NDST4: variants seen among roughly 807,000 people sequenced by gnomAD.
NDST4 encodes the protein N-heparan sulfate sulfotransferase 4.
A neutral mutation model predicts 100.8 loss-of-function variants in NDST4; 63 were observed. That is an observed-to-expected ratio of 0.62 (90% CI 0.51 to 0.77). The LOEUF is 0.77. NDST4 is among the 30% of genes least tolerant of loss of function. NDST4 has a pLI of 0.00. For synonymous variants in NDST4, 377 were observed against 361.8 expected, an observed-to-expected ratio of 1.04 and a Z score of -0.48; for missense variants, 943 against 1,018.4, an observed-to-expected ratio of 0.93 and a Z score of 1.01.
At chr4:115,025,626 C>T (rs1313937998) in intron 2 of NDST4, among the ~76,000 whole-genome samples, 2 of 152,046 alleles carry the variant, frequency 1.3e-5, no homozygotes, top group Admixed American at 6.6e-5. Context: ...TAAATTCCAT[C>T]AGCATGCTAC....
At chr4:115,001,288 C>A (rs1381647275) in intron 2 of NDST4, among the ~76,000 whole-genome samples, 1 of 151,930 alleles carries the variant, frequency 6.6e-6, no homozygotes, top group Non-Finnish European at 1.5e-5. Context: ...GGTCAGCATA[C>A]AGTCAAACTA....
intron 6 of NDST4, among the ~76,000 whole-genome samples, chr4:114,901,808 T>C (rs1178273003): frequency 6.6e-6 from 1 of 151,670 alleles, no homozygotes; most frequent in East Asian, 1.9e-4. Context: ...CTTCCACTCC[T>C]TCTCTTCTTT....
intron 6 of NDST4, among the ~76,000 whole-genome samples, chr4:114,926,882 G>A (rs1358364493): frequency 1.3e-5 from 2 of 152,108 alleles, no homozygotes; most frequent in East Asian, 1.9e-4. Flanking sequence ...AAGTACTCTA[G>A]AGGGGAAAAT....
chr4:114,874,951 T>C (rs968859369), intron 6 of NDST4, among the ~76,000 whole-genome samples: 2 of 152,160 alleles, frequency 1.3e-5, no homozygotes, highest in Non-Finnish European at 2.9e-5. Context: ...AGTATGACAG[T>C]ACTACATGGA....
At chr4:114,949,660 T>C (rs755041327) in intron 4 of NDST4, among the ~76,000 whole-genome samples, 1 of 152,030 alleles carries the variant, frequency 6.6e-6, no homozygotes, top group Non-Finnish European at 1.5e-5. Flanking sequence ...GCCCCAGCAA[T>C]ATCTAGCCTC....
At chr4:115,069,974 G>T (rs570294135) in intron 2 of NDST4, among the ~76,000 whole-genome samples, 25 of 152,254 alleles carry the variant, frequency 1.6e-4, no homozygotes, top group African/African-American at 5.8e-4. Context: ...CTATTGGTTG[G>T]AATGTAAATT....
At chr4:114,897,731 C>T (rs762908721) in intron 6 of NDST4, among the ~76,000 whole-genome samples, 6 of 152,164 alleles carry the variant, frequency 3.9e-5, no homozygotes, top group Non-Finnish European at 7.4e-5. Flanking sequence ...ACATCCTCAC[C>T]AGCATTTGGT....
At chr4:115,063,624 G>A (rs1045636768) in intron 2 of NDST4, among the ~76,000 whole-genome samples, 1 of 151,236 alleles carries the variant, frequency 6.6e-6, no homozygotes, top group African/African-American at 2.4e-5. Context: ...TAGCTGAGGA[G>A]GCTCATTATA....
chr4:114,865,315 G>A (rs6856689), intron 7 of NDST4, among the ~76,000 whole-genome samples: 24,788 of 151,976 alleles, frequency 0.16, 3,267 homozygotes, highest in African/African-American at 0.37. Flanking sequence ...TGCCTGCCTC[G>A]GCCTCCCAAA....
chr4:114,829,954 A>C (rs1441154611), intron 12 of NDST4, 62 bp from the exon 13 acceptor site: 3 of 1,123,192 alleles, frequency 2.7e-6, no homozygotes, highest in Non-Finnish European at 4.0e-6. Context: ...AGACAGCCTC[A>C]CCAATTGAAT....
Position 115,077,053 on chromosome 4 carries a change from T to C in NDST4, c.-17A>G, listed in dbSNP as rs748915295. 7.2e-5 allele frequency: 112 copies of C among 1,565,900 alleles called. No homozygotes were observed. The highest frequency in any genetic ancestry group is 3.3e-5 in the Non-Finnish European group (38 of 1,159,752). ...AAGATTCATTTTTTAGAATAATGTT[T>C]TGGAAGCTTTTTCCCAATTTCGTTT... is the stretch of plus-strand genomic sequence containing the variant. On this transcript the variant is annotated 5_prime_UTR_variant, in exon 2 of 14. Transcript: ENST00000264363.
rs991019823 is a variant in NDST4 at position 114,988,352 on chromosome 4, CTTTTTTTTTTTT to C, written c.979-11090_979-11079del. Among the ~76,000 whole-genome samples the C allele has an allele frequency of 9.1e-3, 585 of 64,210 alleles. 11 individuals carry two copies. Among genetic ancestry groups the C allele is most frequent in the Middle Eastern group, 0.066 (5 of 76 alleles). 42.1% of individuals were successfully genotyped at this position (64,210 alleles called of 152,430 possible). On this transcript the variant is annotated intron_variant, in intron 2 of 13. Coordinates refer to ENST00000264363, the MANE Select transcript of NDST4 (RefSeq NM_022569.3). Reference sequence around the variant, plus strand: ...TTTGTAAGCACACAGATACACATATCTTTTTTTTTTTTTTTTTTTTTTTTTTTGAGACAGAGT... The same window carrying C: ...TTTGTAAGCACACAGATACACATATCTTTTTTTTTTTTTTTGAGACAGAGT...
chr4:114,875,687 T>C (rs2126198736), intron 6 of NDST4, among the ~76,000 whole-genome samples: 1 of 152,312 alleles, frequency 6.6e-6, no homozygotes, highest in East Asian at 1.9e-4. Context: ...TGTAACATTT[T>C]GTGTTTGACT....
chr4:114,982,376 C>T (rs1268003666), intron 2 of NDST4, among the ~76,000 whole-genome samples: 1 of 152,148 alleles, frequency 6.6e-6, no homozygotes, highest in African/African-American at 2.4e-5. Flanking sequence ...TTATTGGAAA[C>T]TAGAGCAAAG....
chr4:114,986,832 A>ATATATATATATATATATATATTT, intron 2 of NDST4, among the ~76,000 whole-genome samples: 1 of 94,654 alleles, frequency 1.1e-5, no homozygotes, highest in East Asian at 3.6e-4. Flanking sequence ...ATATATATAT[A>ATATATATATATATATATATATTT]TTTTAATATA....
At chr4:115,092,515 A>G (rs1196181611) in intron 1 of NDST4, among the ~76,000 whole-genome samples, 1 of 152,230 alleles carries the variant, frequency 6.6e-6, no homozygotes, top group Non-Finnish European at 1.5e-5. Context: ...CGGTAATAAT[A>G]AAATCCTGAG....
chr4:115,015,717 A>T (rs1010954785), intron 2 of NDST4, among the ~76,000 whole-genome samples: 2 of 152,050 alleles, frequency 1.3e-5, no homozygotes, highest in African/African-American at 2.4e-5. Flanking sequence ...TTCTCAGTCT[A>T]CTGCTGTCAC....
At chr4:115,073,314 G>A (rs1729115446) in intron 2 of NDST4, among the ~76,000 whole-genome samples, 1 of 151,922 alleles carries the variant, frequency 6.6e-6, no homozygotes, top group East Asian at 1.9e-4. Flanking sequence ...CTACTATTGG[G>A]TATATATCAA....
intron 7 of NDST4, among the ~76,000 whole-genome samples, chr4:114,853,945 A>T (rs1236137048): frequency 6.6e-6 from 1 of 152,154 alleles, no homozygotes; most frequent in Non-Finnish European, 1.5e-5. Flanking sequence ...TACTTCAAGC[A>T]TTTATCATTT....
Sources: allele counts gnomAD v4.1 joint callset (sites outside exome capture counted in the v4.1 genomes callset), GRCh38; gene constraint gnomAD v4.1.1; transcripts MANE v1.5; gene names NCBI Gene and HGNC (gene_info 2026-07-23, HGNC 2026-07-21).